The following CDH4 variants were observed in gnomAD, a reference collection of about 807,000 sequenced individuals.
CDH4 encodes cadherin 4.
In CDH4, 33 loss-of-function variants were observed where a neutral mutation model predicts 86.0. The ratio of observed to expected loss-of-function variants is 0.38; its 90% confidence interval spans 0.29 to 0.51. CDH4 has a LOEUF of 0.51. Among genes scored for constraint, CDH4 ranks in the 20% least tolerant of loss-of-function variants. CDH4 has a pLI of 0.86. For missense variants in CDH4, 1,114 were observed against 1,307.4 expected (o/e 0.85, Z 2.28); for synonymous variants, 555 against 549.4 (o/e 1.01, Z -0.14).
chr20:61,481,514 T>C (rs1305779522), intron 2 of CDH4, among the ~76,000 whole-genome samples: 1 of 152,266 alleles, frequency 6.6e-6, no homozygotes, highest in Non-Finnish European at 1.5e-5. Context: ...AAATCCCTTA[T>C]GTCATCTGTG....
intron 2 of CDH4, among the ~76,000 whole-genome samples, chr20:61,267,426 C>T (rs1166265231): frequency 6.6e-6 from 1 of 152,150 alleles, no homozygotes; most frequent in African/African-American, 2.4e-5. Flanking sequence ...CCGAATGTAA[C>T]CAGCATCTCA....
intron 2 of CDH4, among the ~76,000 whole-genome samples, chr20:61,339,181 T>C (rs781513849): frequency 1.3e-5 from 2 of 152,210 alleles, no homozygotes; most frequent in Non-Finnish European, 2.9e-5. Context: ...CCAAACACTA[T>C]ATTTTATTTT....
intron 4 of CDH4, among the ~76,000 whole-genome samples, chr20:61,798,862 G>A (rs556343489): frequency 1.6e-4 from 24 of 152,286 alleles, no homozygotes; most frequent in African/African-American, 5.3e-4. Flanking sequence ...ATTAGCTCAC[G>A]TCGATGCGTC....
At position 61,773,582 on chromosome 20, in the gene CDH4, C is replaced by T. The variant is rs963349548; in HGVS notation, c.576+400C>T. Reference sequence around the variant, plus strand: ...CGATCCCTGCGCCGAGGCCAGCGTGCGCCGTGCCGCGGTCTGTCTGCAAGT... The same window carrying T: ...CGATCCCTGCGCCGAGGCCAGCGTGTGCCGTGCCGCGGTCTGTCTGCAAGT... On this transcript the variant is annotated intron_variant, in intron 4 of 15. Transcript: ENST00000614565. 3.9e-5 allele frequency among the ~76,000 whole-genome samples: 6 copies of T among 152,312 alleles called. No individual in the cohort carries two copies. The East Asian group carries it at 9.7e-4, about 25-fold the overall frequency.
chr20:61,814,336 A>G (rs1391919868), intron 4 of CDH4, among the ~76,000 whole-genome samples: 1 of 152,194 alleles, frequency 6.6e-6, no homozygotes, highest in Non-Finnish European at 1.5e-5. Context: ...ATTGGAACCC[A>G]GGCCTTCAGA....
chr20:61,270,299 C>G (rs958926684), intron 2 of CDH4, among the ~76,000 whole-genome samples: 4 of 152,198 alleles, frequency 2.6e-5, no homozygotes, highest in Non-Finnish European at 2.9e-5. Context: ...GTAAGTTGTT[C>G]TGAGGATAGG....
chr20:61,259,538 C>T (rs4812286), intron 2 of CDH4, among the ~76,000 whole-genome samples: 21,484 of 152,188 alleles, frequency 0.14, 1,788 homozygotes, highest in East Asian at 0.27. Flanking sequence ...TTCGTGTTTC[C>T]GAGTCGCTTT....
In CDH4 at chr20:61,704,562, G is replaced by A. The variant is rs1033302531; in HGVS notation, c.170-39001G>A. On this transcript the variant is annotated intron_variant, in intron 2 of 15. Transcript: ENST00000614565. Reference sequence around the variant, plus strand: ...TTGCTTGGCAGGGGTGGTGGGATCCGGTGGCCACAGCGTGCAGTAGGAGTT... The same window carrying A: ...TTGCTTGGCAGGGGTGGTGGGATCCAGTGGCCACAGCGTGCAGTAGGAGTT... 4.6e-5 allele frequency among the ~76,000 whole-genome samples: 7 copies of A among 152,168 alleles called. No homozygotes were observed. The East Asian group carries it at 5.8e-4, about 13-fold the overall frequency.
intron 3 of CDH4, among the ~76,000 whole-genome samples, chr20:61,758,819 G>C (rs932978818): frequency 6.6e-6 from 1 of 152,188 alleles, no homozygotes; most frequent in East Asian, 1.9e-4. Flanking sequence ...GGGCGCACAG[G>C]CGTGGTGCGG....
chr20:61,499,662 C>T (rs894032224), intron 2 of CDH4, among the ~76,000 whole-genome samples: 1 of 152,156 alleles, frequency 6.6e-6, no homozygotes, highest in Non-Finnish European at 1.5e-5. Flanking sequence ...CCCACAAACG[C>T]AGGCCAGTGC....
rs1983402724 is a variant in CDH4 at position 61,863,178 on chromosome 20, G to A, written c.877+10280G>A. 1.3e-5 allele frequency among the ~76,000 whole-genome samples: 2 copies of A among 152,250 alleles called. 1 individual carries two copies. Among genetic ancestry groups the A allele is most frequent in the South Asian group, 4.1e-4 (2 of 4,836 alleles). On this transcript the variant is annotated intron_variant, in intron 6 of 15. Coordinates refer to ENST00000614565, the MANE Select transcript of CDH4 (RefSeq NM_001794.5). ...GTTGGTACATGAATTCCGAGAAAGA[G>A]CCGAGCCTGGCAGCCTCCGCTGTCT...
At chr20:61,388,835 T>C (rs937215461) in intron 2 of CDH4, among the ~76,000 whole-genome samples, 1 of 152,262 alleles carries the variant, frequency 6.6e-6, no homozygotes, top group Non-Finnish European at 1.5e-5. Context: ...AAAGTACATC[T>C]AAAACGTAAC....
At chr20:61,493,627 G>C (rs1179600027) in intron 2 of CDH4, among the ~76,000 whole-genome samples, 1 of 152,196 alleles carries the variant, frequency 6.6e-6, no homozygotes, top group Admixed American at 6.5e-5. Flanking sequence ...TTCCCAGGGG[G>C]ATATCCGCTG....
chr20:61,455,672 A>T (rs1474294852), intron 2 of CDH4, among the ~76,000 whole-genome samples: 1 of 152,194 alleles, frequency 6.6e-6, no homozygotes, highest in Admixed American at 6.5e-5. Context: ...GCCTGTGCCC[A>T]TAAGAAGCTA....
intron 2 of CDH4, among the ~76,000 whole-genome samples, chr20:61,350,720 C>T (rs996693622): frequency 6.6e-6 from 1 of 152,222 alleles, no homozygotes; most frequent in Non-Finnish European, 1.5e-5. Context: ...GAGGCCCCCC[C>T]CCAGTGCTAA....
At chr20:61,877,722 T>G (rs1984094893) in intron 7 of CDH4, among the ~76,000 whole-genome samples, 1 of 152,150 alleles carries the variant, frequency 6.6e-6, no homozygotes, top group Admixed American at 6.5e-5. Context: ...AAGATCAGTT[T>G]CTGTCTTGTG....
intron 2 of CDH4, among the ~76,000 whole-genome samples, chr20:61,511,974 C>T (rs1422073316): frequency 6.6e-6 from 1 of 152,236 alleles, no homozygotes; most frequent in African/African-American, 2.4e-5. Context: ...AACTGTGAAG[C>T]TCGCCTGCTG....
At chr20:61,336,743 G>C (rs1375641726) in intron 2 of CDH4, among the ~76,000 whole-genome samples, 1 of 152,204 alleles carries the variant, frequency 6.6e-6, no homozygotes, top group African/African-American at 2.4e-5. Context: ...TTGAGAATCA[G>C]TTGAAGGTAA....
At chr20:61,924,210 C>A in intron 10 of CDH4, 124 bp from the exon 11 acceptor site, 1 of 969,192 alleles carries the variant, frequency 1.0e-6, no homozygotes, top group Non-Finnish European at 1.5e-6. Context: ...GCCTGGGGGG[C>A]TCCAAGGAGA....
Sources: gnomAD v4.1 joint callset for allele counts (sites outside exome capture counted in the v4.1 genomes callset) on GRCh38, gnomAD v4.1.1 for gene constraint, MANE v1.5 for transcripts, NCBI Gene and HGNC (gene_info 2026-07-23, HGNC 2026-07-21) for gene names.